Variants in RARS2 observed in about 807,000 individuals in gnomAD.
The protein encoded by RARS2 is probable arginine--tRNA ligase, mitochondrial.
RARS2 carries 67 observed loss-of-function variants against 88.5 expected under a neutral mutation model. The ratio of observed to expected loss-of-function variants is 0.76; its 90% CI spans 0.62 to 0.93. The LOEUF is 0.93. RARS2 is among the 40% of genes least tolerant of loss of function. The pLI is 0.00. For missense variants in RARS2, 664 were observed against 684.2 expected (o/e 0.97, Z 0.33); for synonymous variants, 239 against 230.3 (o/e 1.04, Z -0.34).
intron 6 of RARS2, among the ~76,000 whole-genome samples, chr6:87,547,541 T>A (rs1239323637): frequency 6.6e-6 from 1 of 152,232 alleles, no homozygotes; most frequent in African/African-American, 2.4e-5. Flanking sequence ...ATTGACCTGC[T>A]GTATGACATG....
chr6:87,584,638 G>C (rs1012728388), intron 1 of RARS2: 7 of 424,740 alleles, frequency 1.6e-5, no homozygotes, highest in Non-Finnish European at 3.3e-5. Flanking sequence ...TCCATGGTAA[G>C]CAGGTCTATA....
At chr6:87,576,694 A>G (rs1428558685) in intron 1 of RARS2, among the ~76,000 whole-genome samples, 6 of 152,254 alleles carry the variant, frequency 3.9e-5, no homozygotes, top group African/African-American at 1.4e-4. Context: ...GGTGTGGGGC[A>G]TATAAGTATT....
chr6:87,528,024 G>T (rs912211312), intron 10 of RARS2, among the ~76,000 whole-genome samples: 4 of 147,354 alleles, frequency 2.7e-5, no homozygotes, highest in African/African-American at 7.6e-5. Context: ...ATTAACCTAC[G>T]TAACAAATCT....
intron 4 of RARS2, among the ~76,000 whole-genome samples, chr6:87,556,749 G>A (rs1432927313): frequency 6.0e-5 from 8 of 133,660 alleles, no homozygotes; most frequent in Admixed American, 2.5e-4. Context: ...CCGAGATCGC[G>A]CCACTGCACT....
intron 1 of RARS2, among the ~76,000 whole-genome samples, chr6:87,575,387 C>G (rs1025218691): frequency 2.6e-5 from 4 of 152,010 alleles, no homozygotes; most frequent in African/African-American, 9.7e-5. Flanking sequence ...AGGAAGAAAA[C>G]TTAATACAAG....
chr6:87,588,747 A>T (rs998758296), intron 1 of RARS2, among the ~76,000 whole-genome samples: 7 of 152,060 alleles, frequency 4.6e-5, no homozygotes, highest in Non-Finnish European at 7.4e-5. Context: ...TTTCCTATCA[A>T]TCTTAAACCG....
At chr6:87,559,964 T>G (rs1344995497) in intron 4 of RARS2, among the ~76,000 whole-genome samples, 4 of 152,208 alleles carry the variant, frequency 2.6e-5, no homozygotes, top group Non-Finnish European at 5.9e-5. Flanking sequence ...ACAAATACAG[T>G]ATTTGGTATT....
At chr6:87,528,306 T>G (rs67371470) in intron 10 of RARS2, among the ~76,000 whole-genome samples, 1 of 150,174 alleles carries the variant, frequency 6.7e-6, no homozygotes, top group Non-Finnish European at 1.5e-5. Flanking sequence ...CCTTGTACAC[T>G]GTTGGTGGGA....
intron 10 of RARS2, among the ~76,000 whole-genome samples, chr6:87,526,034 A>G (rs1775575175): frequency 6.6e-6 from 1 of 152,258 alleles, no homozygotes; most frequent in African/African-American, 2.4e-5. Context: ...ATGGAAAGAT[A>G]TCCTGTATTA....
chr6:87,514,925 G>A, intron 19 of RARS2, 32 bp downstream of exon 19: 1 of 1,543,872 alleles, frequency 6.5e-7, no homozygotes, highest in South Asian at 1.1e-5. Flanking sequence ...CAGGAGCTAG[G>A]GATTATACAG....
intron 5 of RARS2, among the ~76,000 whole-genome samples, chr6:87,549,692 T>C (rs1469080875): frequency 6.6e-6 from 1 of 152,210 alleles, no homozygotes; most frequent in Non-Finnish European, 1.5e-5. Flanking sequence ...TCATTTAACA[T>C]AGCAAATGCT....
At chr6:87,543,903 C>T (rs1781821936) in intron 7 of RARS2, among the ~76,000 whole-genome samples, 1 of 152,064 alleles carries the variant, frequency 6.6e-6, no homozygotes, top group Admixed American at 6.6e-5. Context: ...TGTTCCAAAA[C>T]ACAAAAATGG....
chr6:87,517,193 A>G (rs1170140897), intron 17 of RARS2, among the ~76,000 whole-genome samples: 1 of 146,984 alleles, frequency 6.8e-6, no homozygotes, highest in African/African-American at 2.7e-5. Context: ...CAGAAGAATC[A>G]CTTGACCCCG....
chr6:87,514,980 C>T lies in RARS2; in HGVS notation c.1627G>A (p.Asp543Asn). 1 of 1,613,308 alleles carries T rather than the reference C, an allele frequency of 6.2e-7. No homozygotes were observed. The highest frequency in any genetic ancestry group is 8.5e-7 in the Non-Finnish European group (1 of 1,179,304). ...ACCCCAGCCACTTCAGGAGGACTAT[C>T]TTTTATTTGTAGTGTTTTGTGTGCC... is the stretch of plus-strand genomic sequence containing the variant. ...AVAHKTLQIKDSPPEVAGARL... is the reference protein window; with the variant it reads ...AVAHKTLQIKNSPPEVAGARL... The change falls in exon 19 of 20, where the codon GAT becomes AAT. Residue 543 changes from aspartate (D) to asparagine (N), a missense_variant. By Grantham distance (23) the Asp-to-Asn change is conservative. Transcript: ENST00000369536.
At chr6:87,589,195 C>A (rs538798183) in intron 1 of RARS2, among the ~76,000 whole-genome samples, 1 of 152,256 alleles carries the variant, frequency 6.6e-6, no homozygotes, top group African/African-American at 2.4e-5. Context: ...CTTAAAAATT[C>A]TTTTTGATTA....
At chr6:87,558,812 T>A (rs1786879010) in intron 4 of RARS2, among the ~76,000 whole-genome samples, 1 of 152,228 alleles carries the variant, frequency 6.6e-6, no homozygotes, top group Non-Finnish European at 1.5e-5. Flanking sequence ...CCTACTATAT[T>A]TAAAATCATA....
chr6:87,563,460 T>C (rs562336977), intron 3 of RARS2, among the ~76,000 whole-genome samples: 28 of 152,238 alleles, frequency 1.8e-4, no homozygotes, highest in South Asian at 4.1e-4. Flanking sequence ...TCCTTTATCA[T>C]AGTCACCCTT....
intron 2 of RARS2, chr6:87,564,594 T>C (rs1457602078): frequency 2.6e-6 from 1 of 377,460 alleles, no homozygotes; most frequent in South Asian, 2.1e-5. Flanking sequence ...GCTTGAATCC[T>C]GGAGGTGGAG....
chr6:87,514,842 G>GTA, intron 19 of RARS2, 115 bp downstream of exon 19: 1 of 850,440 alleles, frequency 1.2e-6, no homozygotes, highest in South Asian at 1.4e-5. Flanking sequence ...AGCTAAGGAA[G>GTA]TATACTGCTA....
Sources: gnomAD v4.1 joint callset for allele counts (sites outside exome capture counted in the v4.1 genomes callset) on GRCh38, gnomAD v4.1.1 for gene constraint, MANE v1.5 for transcripts, NCBI Gene and HGNC (gene_info 2026-07-23, HGNC 2026-07-21) for gene names.